Variants in CDH17 observed in about 807,000 individuals in gnomAD.
CDH17 encodes cadherin-17.
Under a neutral mutation model 86.3 loss-of-function variants are expected in CDH17, and 67 were observed. That is an observed-to-expected ratio of 0.78 (90% confidence interval 0.64 to 0.95). The LOEUF is 0.95. CDH17 is among the 40% of genes least tolerant of loss of function. CDH17 has a pLI of 0.00. For missense variants in CDH17, 993 were observed against 1,017.6 expected (o/e 0.98, Z 0.33); for synonymous variants, 367 against 366.4 (o/e 1.00, Z -0.02).
chr8:94,178,954 A>C (rs1813424162), intron 3 of CDH17, among the ~76,000 whole-genome samples: 2 of 152,038 alleles, frequency 1.3e-5, no homozygotes, highest in Non-Finnish European at 2.9e-5. Flanking sequence ...CCTCCATAAA[A>C]GCAATGAGAA....
chr8:94,179,295 C>A (rs1241203799), intron 3 of CDH17, among the ~76,000 whole-genome samples: 4 of 152,190 alleles, frequency 2.6e-5, no homozygotes, highest in Non-Finnish European at 5.9e-5. Flanking sequence ...AGAATTCATA[C>A]ACCACACACA....
intron 2 of CDH17, among the ~76,000 whole-genome samples, chr8:94,190,101 C>T (rs1436781930): frequency 6.6e-6 from 1 of 152,132 alleles, no homozygotes; most frequent in East Asian, 1.9e-4. Context: ...GGAGCTCTGT[C>T]CTAAGCACAT....
rs1234929370 is a variant in CDH17, at chr8:94,189,260, T to G, written c.77A>C (p.Lys26Thr). ...YLATGYGQEG[K>T]FSGPLKPMTF... ...CATGGGTTTCAGGGGTCCACTAAACTTCCCCTCTTGGCCATATCCAGTTGC... is the reference window on the plus strand; with the variant it reads ...CATGGGTTTCAGGGGTCCACTAAACGTCCCCTCTTGGCCATATCCAGTTGC... The change falls in exon 3 of 18, where the codon AAG becomes ACG. Residue 26 changes from lysine (K) to threonine (T), a missense_variant. Lys to Thr is a moderately conservative substitution (Grantham distance 78, BLOSUM62 -1). Coordinates refer to ENST00000027335, the MANE Select transcript of CDH17 (RefSeq NM_004063.4). The G allele has an allele frequency of 6.2e-7, 1 of 1,612,596 alleles. No homozygotes were observed. Among genetic ancestry groups the G allele is most frequent in the Non-Finnish European group, 8.5e-7 (1 of 1,179,614 alleles).
At chr8:94,155,147 G>T (rs991431264) in intron 12 of CDH17, among the ~76,000 whole-genome samples, 3 of 152,078 alleles carry the variant, frequency 2.0e-5, no homozygotes, top group Non-Finnish European at 4.4e-5. Context: ...AAAAGAGGTT[G>T]TTCATAGTGA....
intron 12 of CDH17, among the ~76,000 whole-genome samples, chr8:94,152,386 T>A (rs1460144436): frequency 1.3e-5 from 2 of 152,190 alleles, no homozygotes; most frequent in Non-Finnish European, 2.9e-5. Context: ...GATCTTTTTT[T>A]ATTATTTTTT....
At chr8:94,145,842 G>T in intron 15 of CDH17, 86 bp downstream of exon 15, 1 of 1,401,038 alleles carries the variant, frequency 7.1e-7, no homozygotes, top group Non-Finnish European at 9.8e-7. Flanking sequence ...AAAGCTCTTT[G>T]CTGAGTACAG....
At chr8:94,176,502 T>C (rs1165306277) in intron 5 of CDH17, 39 bp downstream of exon 5, 1 of 1,609,480 alleles carries the variant, frequency 6.2e-7, no homozygotes, top group Non-Finnish European at 8.5e-7. Flanking sequence ...CTGACACCCT[T>C]CCATCTTTCC....
intron 3 of CDH17, among the ~76,000 whole-genome samples, chr8:94,188,751 G>A (rs2613220): frequency 5.4e-4 from 82 of 152,312 alleles, no homozygotes; most frequent in African/African-American, 1.9e-3. Context: ...CTCAGAGAAG[G>A]TGGTAAGGAA....
At chr8:94,180,618 C>T (rs1277423083) in intron 3 of CDH17, among the ~76,000 whole-genome samples, 3 of 152,024 alleles carry the variant, frequency 2.0e-5, no homozygotes, top group Non-Finnish European at 2.9e-5. Context: ...TAAAAGAGGC[C>T]GGGTGCAGTG....
chr8:94,193,061 A>G (rs563470304), intron 2 of CDH17, among the ~76,000 whole-genome samples: 2 of 152,268 alleles, frequency 1.3e-5, no homozygotes, highest in African/African-American at 4.8e-5. Flanking sequence ...GACTTCACCC[A>G]GAGACAGCTG....
intron 15 of CDH17, among the ~76,000 whole-genome samples, chr8:94,145,441 C>T (rs1445648466): frequency 6.6e-6 from 1 of 152,082 alleles, no homozygotes; most frequent in Non-Finnish European, 1.5e-5. Context: ...TAATGGAAAG[C>T]ACTTCAATGG....
intron 3 of CDH17, among the ~76,000 whole-genome samples, chr8:94,185,986 G>A (rs913078532): frequency 2.0e-5 from 3 of 151,946 alleles, no homozygotes; most frequent in African/African-American, 7.3e-5. Flanking sequence ...TGTTGTTGTT[G>A]TTTGGCTGTT....
Position 94,182,873 on chromosome 8 carries a change from C to A in CDH17, c.151-5152G>T, listed in dbSNP as rs370358026. ...TTTATATAGGGAAAATTCTAAGGAACCTAAAAAAACTATTACAGCTAATAA... is the reference window on the plus strand; with the variant it reads ...TTTATATAGGGAAAATTCTAAGGAAACTAAAAAAACTATTACAGCTAATAA... On this transcript the variant is annotated intron_variant, in intron 3 of 17. Transcript: ENST00000027335. Among the ~76,000 whole-genome samples the A allele has an allele frequency of 6.3e-4, 95 of 151,962 alleles. 3 individuals carry two copies. In the South Asian group the frequency reaches 0.018, roughly 28 times the overall value.
In CDH17 at chr8:94,199,069, ATATATATATATATATTTT is replaced by A. The variant is rs1247591001; in HGVS notation, c.-20-4382_-20-4365del. Among the ~76,000 whole-genome samples the A allele has an allele frequency of 4.0e-3, 116 of 28,846 alleles. 2 individuals are homozygous for A. The highest frequency in any genetic ancestry group is 5.6e-3 in the Non-Finnish European group (74 of 13,120). The allele number at this position is 28,846 out of a possible 152,430, so 18.9% of individuals were successfully genotyped here. A position where few individuals can be genotyped will look rare whatever the true frequency, so the allele number is the denominator to read the frequency against. On this transcript the variant is annotated intron_variant, in intron 1 of 17. Coordinates refer to ENST00000027335, the MANE Select transcript of CDH17 (RefSeq NM_004063.4). Reference sequence around the variant, plus strand: ...TATATATATATATATATATATATATATATATATATATATATTTTTTTTTTTTTATCATTTGTCTGTTAG... The same window carrying A: ...TATATATATATATATATATATATATATTTTTTTTTATCATTTGTCTGTTAG...
intron 3 of CDH17, among the ~76,000 whole-genome samples, chr8:94,179,699 G>A (rs1360729400): frequency 6.6e-6 from 1 of 152,176 alleles, no homozygotes; most frequent in Non-Finnish European, 1.5e-5. Flanking sequence ...CTGGCTTAAG[G>A]CATTTAAGGA....
chr8:94,188,474 C>A (rs1813623880), intron 3 of CDH17, among the ~76,000 whole-genome samples: 1 of 152,120 alleles, frequency 6.6e-6, no homozygotes, highest in African/African-American at 2.4e-5. Context: ...GTCACGGGCA[C>A]CCCCAAGAAG....
At chr8:94,216,419 G>A (rs1008406739) in intron 1 of CDH17, among the ~76,000 whole-genome samples, 10 of 152,250 alleles carry the variant, frequency 6.6e-5, no homozygotes, top group South Asian at 2.1e-4. Flanking sequence ...CTCAGCCAGC[G>A]TCAGATCCCT....
chr8:94,180,225 A>T (rs1239878097), intron 3 of CDH17, among the ~76,000 whole-genome samples: 1 of 152,054 alleles, frequency 6.6e-6, no homozygotes, highest in Non-Finnish European at 1.5e-5. Flanking sequence ...TTGAAAATAG[A>T]TTAATAGAGA....
At chr8:94,165,202 T>C (rs982158860) in intron 10 of CDH17, among the ~76,000 whole-genome samples, 3 of 152,154 alleles carry the variant, frequency 2.0e-5, no homozygotes, top group Non-Finnish European at 4.4e-5. Flanking sequence ...CTGGAATCTA[T>C]TACCACATTC....
Sources: allele counts gnomAD v4.1 joint callset (sites outside exome capture counted in the v4.1 genomes callset), GRCh38; gene constraint gnomAD v4.1.1; transcripts MANE v1.5; gene names NCBI Gene and HGNC (gene_info 2026-07-23, HGNC 2026-07-21).